BPNT2: variants seen among roughly 807,000 people sequenced by gnomAD.
BPNT2 encodes the protein Golgi-resident adenosine 3',5'-bisphosphate 3'-phosphatase.
BPNT2 carries 11 observed loss-of-function variants against 29.3 expected under a neutral mutation model. The ratio of observed to expected loss-of-function variants is 0.38; its 90% CI spans 0.24 to 0.62. The LOEUF (loss-of-function observed/expected upper bound fraction) is 0.62. Ranked by LOEUF, BPNT2 falls within the 20% of genes least tolerant of loss-of-function variation. BPNT2 has a pLI of 0.62. For missense variants in BPNT2, 459 were observed against 473.4 expected (o/e 0.97, Z 0.28); for synonymous variants, 195 against 187.7 (o/e 1.04, Z -0.32).
chr8:56,988,281 T>C (rs1187354300), intron 1 of BPNT2, among the ~76,000 whole-genome samples: 10 of 152,198 alleles, frequency 6.6e-5, no homozygotes, highest in Non-Finnish European at 1.5e-4. Flanking sequence ...ACAAAACTTG[T>C]CTTTACTCAC....
chr8:56,980,262 A>G (rs763322015), intron 1 of BPNT2, 65 bp from the exon 2 acceptor site: 242 of 1,313,010 alleles, frequency 1.8e-4, no homozygotes, highest in Non-Finnish European at 6.8e-5. Flanking sequence ...ATAAACTACA[A>G]AAGTATTTCA....
chr8:56,964,124 T>A, intron 4 of BPNT2, 60 bp from the exon 5 acceptor site: 2 of 1,266,846 alleles, frequency 1.6e-6, no homozygotes. Context: ...AGTAGCATAC[T>A]TTTTTGATTA....
chr8:56,964,036 C>T lies in BPNT2; in HGVS notation c.837G>A (p.Val279=). The stretch of plus-strand genomic sequence containing the variant: ...CAGCTTTTTCTTGACTCTTATCAGG[C>T]ACATCCAAAAGTGCTAAAACTTTAT... The part of the protein sequence containing the change: ...AGYKVLALLD[V]PDKSQEKADL... The change falls in exon 5 of 5, where the codon GTG becomes GTA. Residue 279 remains valine (V), a synonymous_variant. Coordinates refer to ENST00000262644, the MANE Select transcript of BPNT2 (RefSeq NM_017813.5). 1 of 1,601,766 alleles carries T rather than the reference C, an allele frequency of 6.2e-7. No individual in the cohort carries two copies. Among genetic ancestry groups the T allele is most frequent in the Non-Finnish European group, 8.5e-7 (1 of 1,172,208 alleles).
At position 56,961,549 on chromosome 8, in the gene BPNT2, T is replaced by A. The variant is rs1376509545; in HGVS notation, c.*2244A>T. ...ACACACCCTTCACAAAGTCATTATC[T>A]AGATGCAGATTAATACAATTAAAAA... On this transcript the variant is annotated 3_prime_UTR_variant, in exon 5 of 5. Transcript: ENST00000262644. 2.0e-5 allele frequency: 3 copies of A among 152,302 alleles called. No homozygotes were observed. The highest frequency in any genetic ancestry group is 3.9e-4 in the East Asian group (2 of 5,182). 9.4% of individuals were successfully genotyped at this position (152,302 alleles called of 1,614,324 possible).
chr8:56,964,369 G>C, intron 4 of BPNT2: 1 of 250,484 alleles, frequency 4.0e-6, no homozygotes. Context: ...CGCGATCTTG[G>C]CTCACTGCAA....
Position 56,967,392 on chromosome 8 carries a change from G to A in BPNT2, c.647-1040C>T, listed in dbSNP as rs569137743. On this transcript the variant is annotated intron_variant, in intron 3 of 4. Transcript: ENST00000262644. Reference sequence around the variant, plus strand: ...CCTACAGAGTAAGTAGGAGACAGAAGAGAGCTACCAACACAAACGTATGAG... The same window carrying A: ...CCTACAGAGTAAGTAGGAGACAGAAAAGAGCTACCAACACAAACGTATGAG... Among the ~76,000 whole-genome samples the A allele has an allele frequency of 1.1e-4, 17 of 152,182 alleles. 1 individual carries two copies. The highest frequency in any genetic ancestry group is 2.0e-4 in the Admixed American group (3 of 15,274).
intron 3 of BPNT2, among the ~76,000 whole-genome samples, chr8:56,977,494 T>C (rs999656688): frequency 1.3e-5 from 2 of 152,156 alleles, no homozygotes; most frequent in African/African-American, 4.8e-5. Context: ...TCCAGTATAA[T>C]CTCATCTCAA....
chr8:56,987,039 A>G (rs1290307444), intron 1 of BPNT2, among the ~76,000 whole-genome samples: 1 of 152,208 alleles, frequency 6.6e-6, no homozygotes, highest in African/African-American at 2.4e-5. Flanking sequence ...AGTCTTTTAA[A>G]TTCCAGAAAG....
At chr8:56,964,812 A>C (rs1165069637) in intron 4 of BPNT2, among the ~76,000 whole-genome samples, 1 of 152,120 alleles carries the variant, frequency 6.6e-6, no homozygotes, top group Admixed American at 6.6e-5. Flanking sequence ...TACCACTCTA[A>C]AGCCTTTTTG....
intron 3 of BPNT2, among the ~76,000 whole-genome samples, chr8:56,971,269 T>TAAAAAAAAAAAAAAAAAAAACAA (rs10551418): frequency 8.2e-6 from 1 of 122,612 alleles, no homozygotes. Flanking sequence ...AAGATAAGCT[T>TAAAAAAAAAAAAAAAAAAAACAA]AAAAAAAAAA....
At chr8:56,986,225 C>A (rs1030541966) in intron 1 of BPNT2, among the ~76,000 whole-genome samples, 2 of 152,172 alleles carry the variant, frequency 1.3e-5, no homozygotes, top group African/African-American at 4.8e-5. Flanking sequence ...TAAACCTCAA[C>A]CTTGCATCAG....
intron 1 of BPNT2, among the ~76,000 whole-genome samples, chr8:56,982,168 G>A (rs1326205112): frequency 1.3e-5 from 2 of 149,260 alleles, no homozygotes; most frequent in Admixed American, 1.3e-4. Context: ...TCTGTCACCA[G>A]GTTGGAGTGC....
intron 1 of BPNT2, among the ~76,000 whole-genome samples, chr8:56,991,124 G>C (rs898727519): frequency 6.6e-6 from 1 of 152,140 alleles, no homozygotes; most frequent in Non-Finnish European, 1.5e-5. Context: ...CACTTAGTTG[G>C]CTACAATATT....
In BPNT2 at chr8:56,963,926, G is replaced by A; in HGVS notation, c.947C>T (p.Thr316Ile). The change falls in exon 5 of 5, where the codon ACT (threonine) becomes ATT (isoleucine). Residue 316 changes from threonine to isoleucine, a missense_variant. By Grantham distance (89) the Thr-to-Ile change is moderately conservative. Transcript: ENST00000262644. ...AILKALGGHMTTLSGEEISYT... is the reference protein window; with the variant it reads ...AILKALGGHMITLSGEEISYT... ...ACTGATTTCTTCACCACTCAGGGTAGTCATATGCCCCCCTAGGGCTTTTAA... is the reference window on the plus strand; with the variant it reads ...ACTGATTTCTTCACCACTCAGGGTAATCATATGCCCCCCTAGGGCTTTTAA... 1.2e-6 allele frequency: 2 copies of A among 1,614,128 alleles called. No individual in the cohort carries two copies. The highest frequency in any genetic ancestry group is 1.7e-6 in the Non-Finnish European group (2 of 1,180,028).
intron 1 of BPNT2, among the ~76,000 whole-genome samples, chr8:56,992,831 G>A (rs1302435262): frequency 2.6e-5 from 4 of 151,920 alleles, no homozygotes; most frequent in African/African-American, 9.7e-5. Context: ...ACCCTTCTAG[G>A]GATGAAATCA....
chr8:56,979,590 AATAG>A (rs1806206216), intron 2 of BPNT2, among the ~76,000 whole-genome samples: 2 of 152,314 alleles, frequency 1.3e-5, no homozygotes, highest in East Asian at 1.9e-4. Flanking sequence ...TATCAGGATA[AATAG>A]ATAAACTGTA....
chr8:56,971,788 C>CCG (rs1554539134), intron 3 of BPNT2, among the ~76,000 whole-genome samples: 2 of 145,274 alleles, frequency 1.4e-5, no homozygotes, highest in Admixed American at 1.4e-4. Flanking sequence ...TACCACCCCC[C>CCG]CCCCCACAAT....
intron 3 of BPNT2, among the ~76,000 whole-genome samples, chr8:56,976,149 C>T (rs191556649): frequency 2.0e-5 from 3 of 152,206 alleles, no homozygotes; most frequent in Non-Finnish European, 4.4e-5. Context: ...GGGAAATGTC[C>T]TCCACGTCTC....
intron 2 of BPNT2, among the ~76,000 whole-genome samples, chr8:56,978,896 G>A (rs1488213930): frequency 1.3e-5 from 2 of 152,170 alleles, no homozygotes; most frequent in Non-Finnish European, 2.9e-5. Flanking sequence ...TCAGAGGATA[G>A]AGAGTGGGAG....
Sources: allele counts gnomAD v4.1 joint callset (sites outside exome capture counted in the v4.1 genomes callset), GRCh38; gene constraint gnomAD v4.1.1; transcripts MANE v1.5; gene names NCBI Gene and HGNC (gene_info 2026-07-23, HGNC 2026-07-21).